Variants in GPC6 observed in about 807,000 individuals in gnomAD.
The protein encoded by GPC6 is glypican-6.
GPC6 carries 14 observed loss-of-function variants against 55.2 expected under a neutral mutation model. The ratio of observed to expected loss-of-function variants is 0.25; its 90% confidence interval spans 0.17 to 0.40. The LOEUF (loss-of-function observed/expected upper bound fraction) is 0.40, where lower values mean the gene tolerates loss of function less well. GPC6 is among the 10% of genes least tolerant of loss of function. The pLI is 1.00. For missense variants in GPC6, 641 were observed against 708.5 expected (o/e 0.90, Z 1.08); for synonymous variants, 278 against 259.6 (o/e 1.07, Z -0.68).
At chr13:93,645,012 T>G (rs1370564323) in intron 2 of GPC6, among the ~76,000 whole-genome samples, 1 of 151,992 alleles carries the variant, frequency 6.6e-6, no homozygotes, top group African/African-American at 2.4e-5. Flanking sequence ...CCAGGAAGGT[T>G]ACAGTAGGAC....
chr13:93,791,632 T>G (rs977119986), intron 2 of GPC6, among the ~76,000 whole-genome samples: 1 of 152,180 alleles, frequency 6.6e-6, no homozygotes, highest in African/African-American at 2.4e-5. Context: ...CATGGCACAT[T>G]AATTAAAATG....
At chr13:93,868,336 C>A (rs777245937) in intron 3 of GPC6, among the ~76,000 whole-genome samples, 2 of 151,720 alleles carry the variant, frequency 1.3e-5, no homozygotes, top group Non-Finnish European at 2.9e-5. Context: ...TAAGTGTTAA[C>A]ATTTCTGTCT....
intron 3 of GPC6, among the ~76,000 whole-genome samples, chr13:93,860,289 A>G (rs1297827109): frequency 6.6e-6 from 1 of 151,628 alleles, no homozygotes; most frequent in Non-Finnish European, 1.5e-5. Flanking sequence ...TAAAATAGGG[A>G]CCATGTATGT....
At chr13:93,276,524 G>GTA (rs1877758772) in intron 1 of GPC6, among the ~76,000 whole-genome samples, 1 of 147,990 alleles carries the variant, frequency 6.8e-6, no homozygotes, top group Admixed American at 6.8e-5. Context: ...GTGTGTGTGT[G>GTA]TGTATGTGTG....
intron 1 of GPC6, among the ~76,000 whole-genome samples, chr13:93,354,014 G>C (rs1477620038): frequency 2.0e-5 from 3 of 152,086 alleles, no homozygotes; most frequent in Non-Finnish European, 4.4e-5. Flanking sequence ...AACTGATTTG[G>C]TAAATCAGAT....
chr13:94,096,999 T>TACCTATTATGATAAATAGGTTAAC (rs1366500977), intron 4 of GPC6, among the ~76,000 whole-genome samples: 217 of 114,402 alleles, frequency 1.9e-3, no homozygotes, highest in African/African-American at 6.4e-3. Context: ...AATATGTTAA[T>TACCTATTATGATAAATAGGTTAAC]ACCTATTATG....
chr13:93,579,545 G>A (rs140984477), intron 2 of GPC6, among the ~76,000 whole-genome samples: 1 of 151,738 alleles, frequency 6.6e-6, no homozygotes, highest in Non-Finnish European at 1.5e-5. Context: ...TGAGAGGAGG[G>A]TTAATTCTTC....
At chr13:93,901,191 C>T (rs1441462779) in intron 3 of GPC6, among the ~76,000 whole-genome samples, 1 of 152,068 alleles carries the variant, frequency 6.6e-6, no homozygotes, top group Non-Finnish European at 1.5e-5. Flanking sequence ...GATTTCTCTG[C>T]TTAGAAGTTC....
At chr13:93,444,209 T>TTTTTTTTTTTG (rs1272772012) in intron 1 of GPC6, among the ~76,000 whole-genome samples, 2 of 151,214 alleles carry the variant, frequency 1.3e-5, no homozygotes, top group African/African-American at 4.8e-5. Context: ...TTTTTTTTTT[T>TTTTTTTTTTTG]TTTTTGGTAA....
chr13:93,648,498 T>C (rs1195630610), intron 2 of GPC6, among the ~76,000 whole-genome samples: 1 of 152,196 alleles, frequency 6.6e-6, no homozygotes, highest in Non-Finnish European at 1.5e-5. Context: ...GCCTTACTTA[T>C]CTAACATCTT....
At chr13:94,128,813 A>G (rs1213848394) in intron 4 of GPC6, among the ~76,000 whole-genome samples, 1 of 152,164 alleles carries the variant, frequency 6.6e-6, no homozygotes, top group Non-Finnish European at 1.5e-5. Flanking sequence ...GCATATCTTT[A>G]TTCAGAAGGT....
chr13:93,505,334 A>G (rs955825726), intron 1 of GPC6, among the ~76,000 whole-genome samples: 1 of 152,084 alleles, frequency 6.6e-6, no homozygotes, highest in African/African-American at 2.4e-5. Context: ...GTCCCCTGTA[A>G]GTCTCTAGTT....
intron 3 of GPC6, among the ~76,000 whole-genome samples, chr13:93,834,698 T>C (rs1239798281): frequency 1.3e-5 from 2 of 152,182 alleles, no homozygotes; most frequent in African/African-American, 4.8e-5. Context: ...TCTCTGTTTC[T>C]ACCTGTGTAA....
intron 2 of GPC6, among the ~76,000 whole-genome samples, chr13:93,606,317 T>G (rs1219933221): frequency 6.6e-6 from 1 of 152,146 alleles, no homozygotes; most frequent in Non-Finnish European, 1.5e-5. Flanking sequence ...ACATAGACAC[T>G]AAGGATTTAA....
At chr13:93,467,769 T>A (rs1019246803) in intron 1 of GPC6, among the ~76,000 whole-genome samples, 1 of 151,844 alleles carries the variant, frequency 6.6e-6, no homozygotes, top group Non-Finnish European at 1.5e-5. Context: ...TTTTTATTTT[T>A]TTGTAGAGAC....
intron 2 of GPC6, among the ~76,000 whole-genome samples, chr13:93,799,251 G>T (rs1348185838): frequency 6.6e-6 from 1 of 152,116 alleles, no homozygotes; most frequent in Non-Finnish European, 1.5e-5. Flanking sequence ...TCATAGTTGT[G>T]TTAGGTATTT....
chr13:94,193,062 C>CGTGTGTGTGT (rs66612458), intron 4 of GPC6, among the ~76,000 whole-genome samples: 29 of 148,600 alleles, frequency 2.0e-4, no homozygotes, highest in African/African-American at 7.2e-4. Context: ...TGAGACTCCT[C>CGTGTGTGTGT]GTGTGTGTGT....
At chr13:93,784,320 A>G (rs1301121427) in intron 2 of GPC6, among the ~76,000 whole-genome samples, 1 of 152,160 alleles carries the variant, frequency 6.6e-6, no homozygotes, top group African/African-American at 2.4e-5. Flanking sequence ...TAGTTACTGG[A>G]TCAGAACAAC....
At chr13:94,296,318 G>A (rs563411063) in intron 5 of GPC6, among the ~76,000 whole-genome samples, 4 of 152,242 alleles carry the variant, frequency 2.6e-5, no homozygotes, top group East Asian at 1.9e-4. Flanking sequence ...CTTCAGGGCC[G>A]TAAGATGAGA....
Sources: gnomAD v4.1 joint callset for allele counts (sites outside exome capture counted in the v4.1 genomes callset) on GRCh38, gnomAD v4.1.1 for gene constraint, MANE v1.5 for transcripts, NCBI Gene and HGNC (gene_info 2026-07-23, HGNC 2026-07-21) for gene names.